DPP10: variants seen among roughly 807,000 people sequenced by gnomAD.
DPP10 encodes the protein dipeptidyl peptidase like 10.
Under a neutral mutation model 120.9 loss-of-function variants are expected in DPP10, and 33 were observed. The observed-to-expected ratio is 0.27, with a 90% CI of 0.21 to 0.37. DPP10 has a LOEUF of 0.37. Ranked by LOEUF, DPP10 falls within the 10% of genes least tolerant of loss-of-function variation. DPP10 has a pLI of 1.00. For synonymous variants in DPP10, 337 were observed against 326.1 expected, an observed-to-expected ratio of 1.03 and a Z score of -0.36; for missense variants, 816 against 942.8, an observed-to-expected ratio of 0.87 and a Z score of 1.76.
At chr2:115,681,911 C>T (rs1048956666) in intron 5 of DPP10, among the ~76,000 whole-genome samples, 1 of 151,598 alleles carries the variant, frequency 6.6e-6, no homozygotes, top group East Asian at 1.9e-4. Context: ...TGAAGACAAC[C>T]TTTTCTCCAA....
At chr2:115,693,975 A>G (rs1030994694) in intron 7 of DPP10, among the ~76,000 whole-genome samples, 1 of 152,168 alleles carries the variant, frequency 6.6e-6, no homozygotes, top group Non-Finnish European at 1.5e-5. Context: ...ATCTGTTTTC[A>G]TATGAATTTA....
intron 1 of DPP10, among the ~76,000 whole-genome samples, chr2:114,637,247 C>T (rs1051762576): frequency 5.3e-5 from 8 of 151,770 alleles, no homozygotes; most frequent in African/African-American, 1.9e-4. Context: ...CTTTTTACCA[C>T]ATAGGTGATG....
At chr2:114,477,506 T>G (rs1401272416) in intron 1 of DPP10, among the ~76,000 whole-genome samples, 2 of 129,024 alleles carry the variant, frequency 1.6e-5, no homozygotes, top group Non-Finnish European at 1.6e-5. Flanking sequence ...TATATACACA[T>G]TTATGTGTGT....
At chr2:115,347,330 A>C (rs1272077580) in intron 3 of DPP10, among the ~76,000 whole-genome samples, 1 of 152,122 alleles carries the variant, frequency 6.6e-6, no homozygotes. Flanking sequence ...GCCAGATATA[A>C]GGCAGAACTC....
intron 1 of DPP10, among the ~76,000 whole-genome samples, chr2:114,912,873 G>A (rs1332025771): frequency 1.3e-5 from 2 of 152,176 alleles, no homozygotes; most frequent in South Asian, 2.1e-4. Flanking sequence ...AGCCTGTGTA[G>A]AGCCCAAAGA....
At chr2:115,168,967 C>T (rs763706881) in intron 1 of DPP10, among the ~76,000 whole-genome samples, 53 of 152,078 alleles carry the variant, frequency 3.5e-4, no homozygotes, top group Non-Finnish European at 6.5e-4. Context: ...CTTTTAATGT[C>T]TTCCACAAAA....
At chr2:114,640,960 A>G (rs1247442423) in intron 1 of DPP10, among the ~76,000 whole-genome samples, 2 of 151,830 alleles carry the variant, frequency 1.3e-5, no homozygotes, top group Non-Finnish European at 2.9e-5. Context: ...AGCACTTTCT[A>G]CACCTCCATC....
intron 7 of DPP10, among the ~76,000 whole-genome samples, chr2:115,712,566 A>ATATATATATATATATATAT (rs70941090): frequency 1.6e-3 from 189 of 121,546 alleles, no homozygotes; most frequent in South Asian, 2.8e-3. Context: ...ATATATATAT[A>ATATATATATATATATATAT]AAGAAACTGT....
At chr2:115,765,606 A>G (rs1680612803) in intron 12 of DPP10, among the ~76,000 whole-genome samples, 1 of 152,198 alleles carries the variant, frequency 6.6e-6, no homozygotes, top group Non-Finnish European at 1.5e-5. Flanking sequence ...TTTCCTAACT[A>G]GGGAAATCTT....
At position 115,108,542 on chromosome 2, in the gene DPP10, C is replaced by T. The variant is rs143006045; in HGVS notation, c.61-200697C>T. 2.9e-3 allele frequency among the ~76,000 whole-genome samples: 441 copies of T among 152,238 alleles called. 1 individual carries two copies. The highest frequency in any genetic ancestry group is 8.5e-3 in the African/African-American group (352 of 41,536). On this transcript the variant is annotated intron_variant, in intron 1 of 25. Transcript: ENST00000410059. The stretch of plus-strand genomic sequence containing the variant: ...TTACTGTATTAAACAATGTACAAAT[C>T]ATACAAAACAAATCTCTTGGAGACA...
At chr2:114,541,659 A>G (rs1573607904) in intron 1 of DPP10, among the ~76,000 whole-genome samples, 1 of 152,328 alleles carries the variant, frequency 6.6e-6, no homozygotes, top group South Asian at 2.1e-4. Flanking sequence ...GAAATTAAGT[A>G]AGTTATTACT....
intron 1 of DPP10, among the ~76,000 whole-genome samples, chr2:114,943,084 G>A (rs1455213341): frequency 1.3e-5 from 2 of 152,148 alleles, no homozygotes; most frequent in South Asian, 2.1e-4. Context: ...GGTGTGTGAT[G>A]TTCCCCTCCC....
intron 1 of DPP10, among the ~76,000 whole-genome samples, chr2:114,703,643 A>G (rs891132352): frequency 6.6e-6 from 1 of 152,176 alleles, no homozygotes; most frequent in African/African-American, 2.4e-5. Context: ...GTTTAGCTTG[A>G]TGTCCATAGG....
intron 1 of DPP10, among the ~76,000 whole-genome samples, chr2:114,972,824 T>C (rs886761277): frequency 1.3e-5 from 2 of 152,202 alleles, no homozygotes; most frequent in Admixed American, 1.3e-4. Flanking sequence ...GTGCTGGTTA[T>C]ATTGCACTAA....
intron 19 of DPP10, among the ~76,000 whole-genome samples, chr2:115,807,314 T>C (rs1410633884): frequency 6.6e-6 from 1 of 152,220 alleles, no homozygotes; most frequent in Middle Eastern, 3.2e-3. Context: ...TGTATTCTTA[T>C]ATTTTCATGT....
At chr2:115,161,984 C>T (rs2052409066) in intron 1 of DPP10, 7 of 1,406,402 alleles carry the variant, frequency 5.0e-6, no homozygotes, top group Non-Finnish European at 6.4e-6. Context: ...GGAGCCGCAG[C>T]CCACCCCGGG....
intron 5 of DPP10, among the ~76,000 whole-genome samples, chr2:115,620,907 A>C (rs1191141734): frequency 6.6e-6 from 1 of 152,244 alleles, no homozygotes; most frequent in African/African-American, 2.4e-5. Context: ...TGGTCAACGT[A>C]GTATATGGGA....
chr2:115,670,361 A>G (rs781422044), intron 5 of DPP10, among the ~76,000 whole-genome samples: 2 of 152,082 alleles, frequency 1.3e-5, no homozygotes, highest in Non-Finnish European at 2.9e-5. Flanking sequence ...CATTTACTTG[A>G]TATTTCAGAA....
chr2:115,208,401 C>CT (rs2056302230), intron 1 of DPP10, among the ~76,000 whole-genome samples: 1 of 151,808 alleles, frequency 6.6e-6, no homozygotes, highest in Admixed American at 6.6e-5. Flanking sequence ...ATTTTATTAA[C>CT]TTTATCATTG....
Sources: gnomAD v4.1 joint callset for allele counts (sites outside exome capture counted in the v4.1 genomes callset) on GRCh38, gnomAD v4.1.1 for gene constraint, MANE v1.5 for transcripts, NCBI Gene and HGNC (gene_info 2026-07-23, HGNC 2026-07-21) for gene names.